Variants in GALK2 observed in about 807,000 individuals in gnomAD.
GALK2 encodes N-acetylgalactosamine kinase.
Under a neutral mutation model 52.4 loss-of-function variants are expected in GALK2, and 36 were observed. The observed-to-expected ratio is 0.69, with a 90% CI of 0.53 to 0.91. The LOEUF is 0.91. Among genes scored for constraint, GALK2 ranks in the 40% least tolerant of loss-of-function variants. The pLI is 0.00. For synonymous variants in GALK2, 176 were observed against 199.1 expected (o/e 0.88, Z 0.98); for missense variants, 579 against 559.1 (o/e 1.04, Z -0.36).
downstream of GALK2, chr15:49,332,029 A>G (rs2038861995): frequency 8.7e-6 from 5 of 576,054 alleles, no homozygotes; most frequent in Middle Eastern, 4.8e-4. Flanking sequence ...TATTTTATAA[A>G]TGAGGAAACA....
intron 8 of GALK2, among the ~76,000 whole-genome samples, chr15:49,294,791 G>A (rs2034307231): frequency 6.6e-6 from 1 of 152,148 alleles, no homozygotes; most frequent in Non-Finnish European, 1.5e-5. Context: ...GGGAAAAGTG[G>A]CTCAGGTCCT....
At chr15:49,178,336 C>A (rs2085679116) in intron 1 of GALK2, 1 of 142,022 alleles carries the variant, frequency 7.0e-6, no homozygotes, top group African/African-American at 2.6e-5. Flanking sequence ...TACATATATA[C>A]ATGATGTACA....
chr15:49,233,344 C>CCCCATGA (rs2090612243), intron 3 of GALK2, among the ~76,000 whole-genome samples: 2 of 152,132 alleles, frequency 1.3e-5, no homozygotes, highest in South Asian at 4.1e-4. Context: ...GGAAATCCAC[C>CCCCATGA]CCCATGATCC....
chr15:49,351,096 T>C (rs998737061), intron 3 of GALK2, among the ~76,000 whole-genome samples: 1 of 152,360 alleles, frequency 6.6e-6, no homozygotes, highest in African/African-American at 2.4e-5. Context: ...CTTTCCTATA[T>C]AAACTATCCA....
At chr15:49,302,293 G>A (rs1380930105) in intron 8 of GALK2, among the ~76,000 whole-genome samples, 1 of 152,142 alleles carries the variant, frequency 6.6e-6, no homozygotes, top group Non-Finnish European at 1.5e-5. Context: ...ATAAAGATAG[G>A]TAGCTTTATG....
chr15:49,213,754 C>T (rs1184407399), intron 2 of GALK2, among the ~76,000 whole-genome samples: 1 of 152,102 alleles, frequency 6.6e-6, no homozygotes, highest in Non-Finnish European at 1.5e-5. Flanking sequence ...TGTTGGTCCT[C>T]TCTTCCTTCC....
intron 1 of GALK2, chr15:49,194,269 T>C (rs569368736): frequency 1.8e-4 from 27 of 151,794 alleles, no homozygotes; most frequent in African/African-American, 6.5e-4. Flanking sequence ...GAGGTTGGAG[T>C]GAGTCGAGAT....
intron 1 of GALK2, among the ~76,000 whole-genome samples, chr15:49,188,838 A>G (rs1206164894): frequency 6.6e-6 from 1 of 152,230 alleles, no homozygotes; most frequent in East Asian, 1.9e-4. Flanking sequence ...ATTATTTTCA[A>G]TTCCTGAATT....
rs2035589804 is a variant in GALK2, at chr15:49,306,913, G to GAA, written c.968-12691_968-12690insAA. ...TAATAAGATGAGAGCAAGATGATGTGTATTGAGAACCTGCCATATTCAAGA... is the reference window on the plus strand; with the variant it reads ...TAATAAGATGAGAGCAAGATGATGTGAATATTGAGAACCTGCCATATTCAAGA... On this transcript the variant is annotated intron_variant, in intron 8 of 9. Transcript: ENST00000560031. Among the ~76,000 whole-genome samples, 6 of 152,264 alleles carry GAA rather than the reference G, an allele frequency of 3.9e-5. No homozygotes were observed. In the South Asian group the frequency reaches 1.2e-3, roughly 32 times the overall value.
chr15:49,246,814 C>T (rs2091373645), intron 5 of GALK2, among the ~76,000 whole-genome samples: 1 of 152,148 alleles, frequency 6.6e-6, no homozygotes, highest in South Asian at 2.1e-4. Context: ...GACAGATAAA[C>T]TTCCTAACCT....
chr15:49,308,906 A>G (rs1374552424), intron 8 of GALK2, among the ~76,000 whole-genome samples: 2 of 152,224 alleles, frequency 1.3e-5, no homozygotes, highest in African/African-American at 4.8e-5. Context: ...GCTACCTAGC[A>G]TCTGGGCCCC....
At chr15:49,293,375 C>T (rs561093561) in intron 8 of GALK2, among the ~76,000 whole-genome samples, 1 of 152,330 alleles carries the variant, frequency 6.6e-6, no homozygotes, top group South Asian at 2.1e-4. Context: ...ACTGTCGATC[C>T]AATTTAATTT....
At chr15:49,351,289 G>T (rs1224829483) in intron 3 of GALK2, among the ~76,000 whole-genome samples, 1 of 152,152 alleles carries the variant, frequency 6.6e-6, no homozygotes, top group African/African-American at 2.4e-5. Flanking sequence ...GGAATTGTTA[G>T]TTTAATTCAG....
chr15:49,190,311 C>CA (rs1463595880), intron 1 of GALK2, among the ~76,000 whole-genome samples: 2 of 152,052 alleles, frequency 1.3e-5, no homozygotes, highest in Non-Finnish European at 2.9e-5. Context: ...ATAGAAATCG[C>CA]AAATTGCGTC....
At chr15:49,227,157 A>C (rs1471458061) in intron 3 of GALK2, among the ~76,000 whole-genome samples, 4 of 152,226 alleles carry the variant, frequency 2.6e-5, no homozygotes, top group Non-Finnish European at 5.9e-5. Flanking sequence ...TCAGTAGTGC[A>C]GTCTAAATCC....
chr15:49,192,677 C>G (rs1002881387), intron 1 of GALK2, among the ~76,000 whole-genome samples: 1 of 151,578 alleles, frequency 6.6e-6, no homozygotes, highest in African/African-American at 2.4e-5. Flanking sequence ...AGAAGAGTGC[C>G]TGTTTACCCA....
chr15:49,216,774 T>C (rs1009122043), intron 2 of GALK2, among the ~76,000 whole-genome samples: 80 of 152,324 alleles, frequency 5.3e-4, no homozygotes, highest in African/African-American at 1.6e-3. Flanking sequence ...TGTGTTTTTC[T>C]GTAACATGGC....
chr15:49,174,212 T>G (rs745732143), intron 1 of GALK2, among the ~76,000 whole-genome samples: 1 of 152,204 alleles, frequency 6.6e-6, no homozygotes, highest in Non-Finnish European at 1.5e-5. Flanking sequence ...CTGAGCATTC[T>G]TGTGAATTTT....
chr15:49,305,181 G>C (rs1277383237), intron 8 of GALK2, among the ~76,000 whole-genome samples: 3 of 152,162 alleles, frequency 2.0e-5, no homozygotes, highest in Non-Finnish European at 4.4e-5. Context: ...CAGCTGAGGC[G>C]AGTAACTGTG....
Sources: allele counts gnomAD v4.1 joint callset (sites outside exome capture counted in the v4.1 genomes callset), GRCh38; gene constraint gnomAD v4.1.1; transcripts MANE v1.5; gene names NCBI Gene and HGNC (gene_info 2026-07-23, HGNC 2026-07-21).